Variants in ALPK3 observed in about 807,000 individuals in gnomAD.
ALPK3 encodes alpha-protein kinase 3.
ALPK3 carries 102 observed loss-of-function variants against 140.0 expected under a neutral mutation model. The ratio of observed to expected loss-of-function variants is 0.73; its 90% CI spans 0.62 to 0.86. The LOEUF is 0.86. Among genes scored for constraint, ALPK3 ranks in the 40% least tolerant of loss-of-function variants. ALPK3 has a pLI of 0.00. For missense variants in ALPK3, 2,254 were observed against 2,208.2 expected (o/e 1.02, Z -0.42); for synonymous variants, 938 against 898.5 (o/e 1.04, Z -0.79).
At chr15:84,834,116 A>C (rs950439947) in intron 3 of ALPK3, among the ~76,000 whole-genome samples, 2 of 152,172 alleles carry the variant, frequency 1.3e-5, no homozygotes, top group African/African-American at 4.8e-5. Context: ...TTAGAGAAGT[A>C]AGTCTAATAT....
At chr15:84,856,241 C>A (rs190825171) in intron 5 of ALPK3, 151 bp from the exon 6 acceptor site, 3 of 1,112,640 alleles carry the variant, frequency 2.7e-6, no homozygotes, top group African/African-American at 1.6e-5. Flanking sequence ...CATGTCTTTG[C>A]CTCCCAACTT....
At chr15:84,843,764 A>G (rs915746894) in intron 5 of ALPK3, among the ~76,000 whole-genome samples, 1 of 152,234 alleles carries the variant, frequency 6.6e-6, no homozygotes, top group South Asian at 2.1e-4. Context: ...TATAATATTC[A>G]GCATGAAATG....
In ALPK3 at chr15:84,856,961, C is replaced by G. The variant is rs138935453; in HGVS notation, c.2223C>G (p.Leu741=). ...GCCCACCATCCAGAACCCCCAAACTCCCACCTACAGCGGGTCCTAGAGCTC... is the reference window on the plus strand; with the variant it reads ...GCCCACCATCCAGAACCCCCAAACTGCCACCTACAGCGGGTCCTAGAGCTC... The part of the protein sequence containing the change: ...SLGPPSRTPK[L]PPTAGPRAPL... The change falls in exon 6 of 14, where the codon CTC becomes CTG. Residue 741 remains leucine (L), a synonymous_variant. Transcript: ENST00000258888. 8 of 1,614,126 alleles carry G rather than the reference C, an allele frequency of 5.0e-6. No individual in the cohort carries two copies. The highest frequency in any genetic ancestry group is 6.8e-6 in the Non-Finnish European group (8 of 1,180,020).
intron 5 of ALPK3, among the ~76,000 whole-genome samples, chr15:84,851,578 G>A (rs1963802800): frequency 6.6e-6 from 1 of 152,114 alleles, no homozygotes; most frequent in Non-Finnish European, 1.5e-5. Context: ...ACCAAAGCAG[G>A]TTCTTTGGGC....
intron 4 of ALPK3, 98 bp from the exon 5 acceptor site, chr15:84,839,604 G>A: frequency 7.5e-7 from 1 of 1,334,418 alleles, no homozygotes; most frequent in East Asian, 2.3e-5. Flanking sequence ...CTGTAGGGAG[G>A]GGGAAGTGTG....
Position 84,858,401 on chromosome 15 carries a change from G to C in ALPK3, c.3663G>C (p.Ala1221=). Residue 1221 remains alanine, a synonymous_variant, in exon 6 of 14, where the codon GCG becomes GCC. Coordinates refer to ENST00000258888, the MANE Select transcript of ALPK3 (RefSeq NM_020778.5). ...GCTCCCCTACGCAGGGCAGAAAGGC[G>C]AGCATGCTGGAGGTGCCTCGGGCAG... ...ERRSPTQGRK[A]SMLEVPRAEE... The C allele has an allele frequency of 6.4e-7, 1 of 1,555,850 alleles. No individual in the cohort carries two copies. The highest frequency in any genetic ancestry group is 8.7e-7 in the Non-Finnish European group (1 of 1,152,238).
At chr15:84,859,443 C>T in intron 7 of ALPK3, 53 bp downstream of exon 7, 8 of 1,602,468 alleles carry the variant, frequency 5.0e-6, no homozygotes, top group Non-Finnish European at 6.8e-6. Flanking sequence ...TGCAGTAATA[C>T]CGTTGGGCAC....
chr15:84,836,272 T>C lies in ALPK3; in HGVS notation c.305-2708T>C, dbSNP rs75856783. 7.3e-4 allele frequency among the ~76,000 whole-genome samples: 111 copies of C among 152,268 alleles called. 3 individuals are homozygous for C. The East Asian group carries it at 0.019, about 26-fold the overall frequency. ...GTCACAGGGCCCAGATCATGAGGGC[T>C]GCGTGAAATGGAGCTAATTGGGGTG... is the stretch of plus-strand genomic sequence containing the variant. On this transcript the variant is annotated intron_variant, in intron 3 of 13. Coordinates refer to ENST00000258888, the MANE Select transcript of ALPK3 (RefSeq NM_020778.5).
At chr15:84,829,671 C>T (rs578026132) in intron 3 of ALPK3, among the ~76,000 whole-genome samples, 9 of 152,266 alleles carry the variant, frequency 5.9e-5, no homozygotes, top group African/African-American at 2.2e-4. Context: ...GGACTACAGG[C>T]GCGTGCCACC....
Position 84,856,777 on chromosome 15 carries a change from T to C in ALPK3, c.2039T>C (p.Ile680Thr). The change falls in exon 6 of 14, where the codon ATA (isoleucine) becomes ACA (threonine). Residue 680 changes from isoleucine (I) to threonine (T), a missense_variant. Ile to Thr is a moderately conservative substitution (Grantham distance 89). Transcript: ENST00000258888. ...GAAACAACACAGGCAGGTGAGAAGA[T>C]ACAGGAAGACAGGAAGGCCCAGGCA... ...QLETTQAGEK[I>T]QEDRKAQADK... 1 of 1,613,540 alleles carries C rather than the reference T, an allele frequency of 6.2e-7. No individual in the cohort carries two copies. Among genetic ancestry groups the C allele is most frequent in the Non-Finnish European group, 8.5e-7 (1 of 1,179,918 alleles).
intron 3 of ALPK3, among the ~76,000 whole-genome samples, chr15:84,831,344 T>C (rs1329262308): frequency 6.6e-6 from 1 of 152,210 alleles, no homozygotes; most frequent in East Asian, 1.9e-4. Context: ...TTCTGTCGTC[T>C]TACTTTACAA....
In ALPK3 at chr15:84,869,856, C is replaced by G. The variant is rs1700898578; in HGVS notation, c.*1400C>G. 6.6e-6 allele frequency: 1 copy of G among 152,624 alleles called. No individual in the cohort carries two copies. Among genetic ancestry groups the G allele is most frequent in the Non-Finnish European group, 1.5e-5 (1 of 68,074 alleles). 9.5% of individuals were successfully genotyped at this position (152,624 alleles called of 1,614,324 possible). On this transcript the variant is annotated 3_prime_UTR_variant, in exon 14 of 14. Transcript: ENST00000258888. ...TCCCAGGCCCACTGGAAAAATGAAT[C>G]TATATTTTGGTTCCTGGACCGAAGT... is the stretch of plus-strand genomic sequence containing the variant.
Position 84,859,257 on chromosome 15 carries a change from CG to C in ALPK3, c.3834del (p.Lys1279ArgfsTer14). ...CCTGCTCTCAGCCCCACAGGTGATCCGGAAGATTCGGGTGGAGCAGTTTCCT... is the reference window on the plus strand; with the variant it reads ...CCTGCTCTCAGCCCCACAGGTGATCCGAAGATTCGGGTGGAGCAGTTTCCT... Reference protein sequence around the residue: ...KDLLKAPQVIRKIRVEQFPDA... With the variant: ...KDLLKAPQVIXKIRVEQFPDA... On this transcript the variant is annotated frameshift_variant, in exon 7 of 14. Coordinates refer to ENST00000258888, the MANE Select transcript of ALPK3 (RefSeq NM_020778.5). LOFTEE classifies it high-confidence loss of function. The C allele has an allele frequency of 6.2e-7, 1 of 1,614,054 alleles. No homozygotes were observed. The highest frequency in any genetic ancestry group is 8.5e-7 in the Non-Finnish European group (1 of 1,179,976).
chr15:84,827,517 A>G lies in ALPK3; in HGVS notation c.216A>G (p.Thr72=), dbSNP rs113292196. The change falls in exon 3 of 14, where the codon ACA becomes ACG. Residue 72 remains threonine, a synonymous_variant. Transcript: ENST00000258888. ...TCTGCTCCATCATTGCTCAGCTCACAGAGGAGACCCAGCCGCTATTTGAGA... is the reference window on the plus strand; with the variant it reads ...TCTGCTCCATCATTGCTCAGCTCACGGAGGAGACCCAGCCGCTATTTGAGA... The part of the protein sequence containing the change: ...STFCSIIAQL[T]EETQPLFETT... The G allele has an allele frequency of 1.2e-6, 2 of 1,614,220 alleles. No homozygotes were observed. Among genetic ancestry groups the G allele is most frequent in the South Asian group, 2.2e-5 (2 of 91,084 alleles).
At chr15:84,825,470 T>C (rs1963476915) in intron 2 of ALPK3, among the ~76,000 whole-genome samples, 1 of 152,222 alleles carries the variant, frequency 6.6e-6, no homozygotes, top group Non-Finnish European at 1.5e-5. Context: ...CCACTGCACC[T>C]GGCCTGTTTT....
intron 5 of ALPK3, among the ~76,000 whole-genome samples, chr15:84,842,322 C>T (rs894131870): frequency 1.3e-5 from 2 of 152,266 alleles, no homozygotes; most frequent in African/African-American, 2.4e-5. Context: ...GCGTGAGCCG[C>T]CGTGCCCAGC....
intron 5 of ALPK3, chr15:84,852,438 TA>T (rs1963815808): frequency 5.6e-6 from 1 of 177,988 alleles, no homozygotes; most frequent in African/African-American, 2.4e-5. Flanking sequence ...TTACTTTGGT[TA>T]ATCTTTAAAA....
intron 1 of ALPK3, among the ~76,000 whole-genome samples, chr15:84,819,859 T>A (rs897499713): frequency 2.0e-5 from 3 of 152,218 alleles, no homozygotes; most frequent in African/African-American, 4.8e-5. Context: ...GATGGACAGC[T>A]GAGCTGATGG....
rs1964048699 is a variant in ALPK3 at position 84,869,883 on chromosome 15, C to CCACAGAA, written c.*1427_*1428insCACAGAA. ...ATATTTTGGTTCCTGGACCGAAGTT[C>CCACAGAA]AGTCGCAGCCTTCTGTGGCCACAGA... On this transcript the variant is annotated 3_prime_UTR_variant, in exon 14 of 14. Transcript: ENST00000258888. The CCACAGAA allele has an allele frequency of 6.6e-6, 1 of 152,482 alleles. No individual in the cohort carries two copies. Among genetic ancestry groups the CCACAGAA allele is most frequent in the Non-Finnish European group, 1.5e-5 (1 of 68,048 alleles). The allele number at this position is 152,482 out of a possible 1,614,324, so 9.4% of individuals were successfully genotyped here. A position where few individuals can be genotyped will look rare whatever the true frequency, so the allele number is the denominator to read the frequency against.
Sources: allele counts gnomAD v4.1 joint callset (sites outside exome capture counted in the v4.1 genomes callset), GRCh38; gene constraint gnomAD v4.1.1; transcripts MANE v1.5; gene names NCBI Gene and HGNC (gene_info 2026-07-23, HGNC 2026-07-21).